Variants in PCDHA2 observed in about 807,000 individuals in gnomAD.
The protein encoded by PCDHA2 is protocadherin alpha 2.
In PCDHA2, 58 loss-of-function variants were observed where a neutral mutation model predicts 66.0. That is an observed-to-expected ratio of 0.88 (90% CI 0.71 to 1.09). The LOEUF is 1.09. PCDHA2 is among the 50% of genes least tolerant of loss of function. The pLI is 0.00. For missense variants in PCDHA2, 1,267 were observed against 1,242.3 expected, an observed-to-expected ratio of 1.02 and a Z score of -0.30; for synonymous variants, 634 against 554.0, an observed-to-expected ratio of 1.14 and a Z score of -2.03.
At chr5:140,949,584 A>T (rs1313706016) in intron 1 of PCDHA2, among the ~76,000 whole-genome samples, 5 of 151,722 alleles carry the variant, frequency 3.3e-5, no homozygotes, top group Admixed American at 6.6e-5. Context: ...CTTTTGTGTG[A>T]TATTAATGTG....
At chr5:140,847,583 T>A (rs1323179301) in intron 1 of PCDHA2, 3 of 149,348 alleles carry the variant, frequency 2.0e-5, no homozygotes, top group African/African-American at 7.3e-5. Context: ...GGATGAGCAA[T>A]AATGAAATTA....
At chr5:140,915,466 T>C (rs2077134247) in intron 1 of PCDHA2, among the ~76,000 whole-genome samples, 1 of 152,176 alleles carries the variant, frequency 6.6e-6, no homozygotes, top group South Asian at 2.1e-4. Context: ...AGGTTTTTAT[T>C]TGAAGGAGCT....
rs1015706913 is a variant in PCDHA2, at chr5:140,985,292, T to C, written c.2536+2729T>C. 2.0e-5 allele frequency among the ~76,000 whole-genome samples: 3 copies of C among 152,294 alleles called. No homozygotes were observed. The East Asian group carries it at 5.8e-4, about 29-fold the overall frequency. ...TACTTTTCTGCAATCTATGATATAG[T>C]GTTGGCTGATAGCCTGGTGGCCAGA... On this transcript the variant is annotated intron_variant, in intron 3 of 3. Transcript: ENST00000526136.
chr5:140,849,508 T>C, intron 1 of PCDHA2: 1 of 1,596,440 alleles, frequency 6.3e-7, no homozygotes, highest in South Asian at 1.1e-5. Context: ...ACACTTCTTG[T>C]GGAAGTTGTG....
At chr5:140,893,039 C>A (rs1024548713) in intron 1 of PCDHA2, among the ~76,000 whole-genome samples, 49 of 152,306 alleles carry the variant, frequency 3.2e-4, no homozygotes, top group African/African-American at 1.1e-3. Flanking sequence ...TAACATATGC[C>A]CTCCAGGCTC....
chr5:140,859,951 A>G (rs1376166288), intron 1 of PCDHA2: 3 of 151,970 alleles, frequency 2.0e-5, no homozygotes, highest in African/African-American at 7.3e-5. Context: ...ACTCATATCA[A>G]TTGTAAAAGT....
chr5:140,882,052 C>A (rs2058925535), intron 1 of PCDHA2: 5 of 766,334 alleles, frequency 6.5e-6, no homozygotes, highest in Admixed American at 3.1e-5. Context: ...GTCATACTTA[C>A]ACTTACACGT....
chr5:140,993,694 T>C (rs1192686372), intron 3 of PCDHA2, among the ~76,000 whole-genome samples: 1 of 152,186 alleles, frequency 6.6e-6, no homozygotes, highest in African/African-American at 2.4e-5. Flanking sequence ...TCCCATAAGA[T>C]TGTAATACCA....
chr5:140,838,325 T>C (rs1554137025), intron 1 of PCDHA2, among the ~76,000 whole-genome samples: 1 of 149,366 alleles, frequency 6.7e-6, no homozygotes, highest in Non-Finnish European at 1.5e-5. Flanking sequence ...AGTTTCACCA[T>C]GTTGCCCCGG....
intron 1 of PCDHA2, among the ~76,000 whole-genome samples, chr5:140,915,326 T>C (rs2077071352): frequency 6.6e-6 from 1 of 152,196 alleles, no homozygotes; most frequent in Non-Finnish European, 1.5e-5. Flanking sequence ...TACAGTGTTA[T>C]AATATTCTGT....
chr5:140,887,670 C>A (rs368430565), intron 1 of PCDHA2, among the ~76,000 whole-genome samples: 2 of 151,988 alleles, frequency 1.3e-5, no homozygotes, highest in Non-Finnish European at 2.9e-5. Flanking sequence ...GTGGATTTAT[C>A]ATTTTCATCA....
At chr5:140,881,399 T>A in intron 1 of PCDHA2, 1 of 975,578 alleles carries the variant, frequency 1.0e-6, no homozygotes, top group Non-Finnish European at 1.2e-6. Flanking sequence ...TTAAATTCTA[T>A]TAAATCAATA....
Position 140,888,156 on chromosome 5 carries a change from A to T in PCDHA2, c.2389-90793A>T, listed in dbSNP as rs556908449. 2.0e-5 allele frequency among the ~76,000 whole-genome samples: 3 copies of T among 152,300 alleles called. No homozygotes were observed. In the South Asian group the frequency reaches 6.2e-4, roughly 32 times the overall value. On this transcript the variant is annotated intron_variant, in intron 1 of 3. Coordinates refer to ENST00000526136, the MANE Select transcript of PCDHA2 (RefSeq NM_018905.3). ...TTTCTTGCTGTTTTGCATGACTGGT[A>T]ATCTCTAATAAGATGCTAGACATTG...
intron 1 of PCDHA2, chr5:140,865,867 G>A (rs1382471078): frequency 7.9e-5 from 12 of 152,202 alleles, no homozygotes; most frequent in South Asian, 2.1e-4. Flanking sequence ...ACATGGTCTC[G>A]GCTAGGAAAA....
At position 140,978,793 on chromosome 5, in the gene PCDHA2, A is replaced by G. The variant is rs1241254692; in HGVS notation, c.2389-156A>G. 4.1e-6 allele frequency: 4 copies of G among 977,674 alleles called. No individual in the cohort carries two copies. In the African/African-American group the frequency reaches 7.0e-5, roughly 17 times the overall value. The allele number at this position is 977,674 out of a possible 1,614,324, so 60.6% of individuals were successfully genotyped here. On this transcript the variant is annotated intron_variant, in intron 1 of 3. Coordinates refer to ENST00000526136, the MANE Select transcript of PCDHA2 (RefSeq NM_018905.3). ...CTAATTTTCTTCTAAAGTGCTATAT[A>G]TGTAGATATCATCATAGAGTTACAC... is the stretch of plus-strand genomic sequence containing the variant.
At chr5:140,902,203 C>CT (rs148688132) in intron 1 of PCDHA2, among the ~76,000 whole-genome samples, 2,237 of 124,430 alleles carry the variant, frequency 0.018, 39 homozygotes, top group East Asian at 0.05. Context: ...CTCTCTCTTT[C>CT]TTTTTTTTTT....
At chr5:140,897,008 T>C (rs1215081415) in intron 1 of PCDHA2, among the ~76,000 whole-genome samples, 13 of 152,154 alleles carry the variant, frequency 8.5e-5, no homozygotes, top group Admixed American at 1.3e-4. Flanking sequence ...TATTTTTAAA[T>C]ATACAACTAA....
At chr5:140,844,736 G>C (rs1001272539) in intron 1 of PCDHA2, among the ~76,000 whole-genome samples, 3 of 149,298 alleles carry the variant, frequency 2.0e-5, no homozygotes, top group Non-Finnish European at 4.5e-5. Context: ...AAAATATTTA[G>C]TATTATGGGA....
rs2150227413 is a variant in PCDHA2 at position 140,834,821 on chromosome 5, G to A, written c.2388+37469G>A. ...GGAATCTGTTCATCGCGGAATCCAG[G>A]CCGCTTGACTCTCGGTTTCCACTAG... On this transcript the variant is annotated intron_variant, in intron 1 of 3. Coordinates refer to ENST00000526136, the MANE Select transcript of PCDHA2 (RefSeq NM_018905.3). 167 of 1,612,344 alleles carry A rather than the reference G, an allele frequency of 1.0e-4. No homozygotes were observed. The East Asian group carries it at 3.7e-3, about 36-fold the overall frequency.
Sources: allele counts gnomAD v4.1 joint callset (sites outside exome capture counted in the v4.1 genomes callset), GRCh38; gene constraint gnomAD v4.1.1; transcripts MANE v1.5; gene names NCBI Gene and HGNC (gene_info 2026-07-23, HGNC 2026-07-21).